Variants in CSMD1 observed in about 807,000 individuals in gnomAD.
CSMD1 encodes the protein CUB and Sushi multiple domains 1, also known as CUB and sushi domain-containing protein 1.
Under a neutral mutation model 417.5 loss-of-function variants are expected in CSMD1, and 213 were observed. The observed-to-expected ratio is 0.51, with a 90% CI of 0.46 to 0.57. The LOEUF is 0.57. Ranked by LOEUF, CSMD1 falls within the 20% of genes least tolerant of loss-of-function variation. The pLI, the probability that CSMD1 is intolerant of heterozygous loss-of-function variation, is 0.00. For synonymous variants in CSMD1, 2,862 were observed against 1,736.8 expected (o/e 1.65, Z -16.11); for missense variants, 6,923 against 4,529.7 (o/e 1.53, Z -15.17).
chr8:3,926,394 T>C (rs1197240802), intron 5 of CSMD1, among the ~76,000 whole-genome samples: 1 of 149,600 alleles, frequency 6.7e-6, no homozygotes, highest in Non-Finnish European at 1.5e-5. Flanking sequence ...AGTAAGATTT[T>C]TTCTGTCTTT....
chr8:4,488,271 T>G (rs923744194), intron 2 of CSMD1, among the ~76,000 whole-genome samples: 4 of 152,150 alleles, frequency 2.6e-5, no homozygotes, highest in African/African-American at 9.7e-5. Context: ...GGAGCTGAAA[T>G]GCCCTGAAAG....
intron 26 of CSMD1, among the ~76,000 whole-genome samples, chr8:3,247,131 C>T (rs968287124): frequency 9.2e-5 from 14 of 152,264 alleles, no homozygotes; most frequent in Non-Finnish European, 1.9e-4. Flanking sequence ...TGTGATGTCT[C>T]ATTTGCCCCT....
At chr8:4,110,860 C>G (rs1288057198) in intron 3 of CSMD1, among the ~76,000 whole-genome samples, 1 of 151,800 alleles carries the variant, frequency 6.6e-6, no homozygotes, top group Non-Finnish European at 1.5e-5. Context: ...GACTTTTTTC[C>G]TTGAAGAGTA....
At chr8:4,060,802 A>G (rs1376105136) in intron 3 of CSMD1, among the ~76,000 whole-genome samples, 1 of 152,202 alleles carries the variant, frequency 6.6e-6, no homozygotes, top group East Asian at 1.9e-4. Context: ...AAAAAAAGGT[A>G]GGAATGGGGC....
At chr8:3,809,993 C>A (rs1485416286) in intron 5 of CSMD1, among the ~76,000 whole-genome samples, 1 of 152,198 alleles carries the variant, frequency 6.6e-6, no homozygotes, top group African/African-American at 2.4e-5. Flanking sequence ...AAAATAGACA[C>A]CAGCTCTGAC....
intron 2 of CSMD1, among the ~76,000 whole-genome samples, chr8:4,596,335 C>A (rs544065590): frequency 6.6e-6 from 1 of 152,082 alleles, no homozygotes; most frequent in Non-Finnish European, 1.5e-5. Flanking sequence ...GGTTCAAAAA[C>A]GAAACCTCCT....
At chr8:4,860,673 A>G (rs1802078255) in intron 1 of CSMD1, among the ~76,000 whole-genome samples, 2 of 152,226 alleles carry the variant, frequency 1.3e-5, no homozygotes, top group Non-Finnish European at 1.5e-5. Flanking sequence ...CCTACTCACA[A>G]TGTTTGAAAT....
At chr8:3,307,339 A>T (rs1804952453) in intron 25 of CSMD1, among the ~76,000 whole-genome samples, 1 of 152,044 alleles carries the variant, frequency 6.6e-6, no homozygotes, top group Admixed American at 6.6e-5. Context: ...ACACCTAAGG[A>T]AGGTCATCCT....
At chr8:3,669,626 T>G (rs950388807) in intron 7 of CSMD1, among the ~76,000 whole-genome samples, 1 of 152,174 alleles carries the variant, frequency 6.6e-6, no homozygotes, top group African/African-American at 2.4e-5. Context: ...AGCTGGGTAT[T>G]CGCCCGCTGG....
chr8:4,766,584 A>C (rs1170398847), intron 1 of CSMD1, among the ~76,000 whole-genome samples: 1 of 152,222 alleles, frequency 6.6e-6, no homozygotes, highest in Non-Finnish European at 1.5e-5. Flanking sequence ...CCCAACATGC[A>C]GCAGGGCATT....
At chr8:3,999,622 A>T (rs1585107762) in intron 4 of CSMD1, among the ~76,000 whole-genome samples, 1 of 152,080 alleles carries the variant, frequency 6.6e-6, no homozygotes, top group Non-Finnish European at 1.5e-5. Context: ...TTGTTCCCGG[A>T]GTTTGGAGTA....
chr8:4,934,966 C>G (rs1049778238), intron 1 of CSMD1, among the ~76,000 whole-genome samples: 2 of 152,170 alleles, frequency 1.3e-5, no homozygotes, highest in Non-Finnish European at 2.9e-5. Context: ...CTGCCTATAT[C>G]TATCATCTAT....
chr8:4,199,793 G>T (rs758342129), intron 3 of CSMD1, among the ~76,000 whole-genome samples: 2 of 152,114 alleles, frequency 1.3e-5, no homozygotes, highest in African/African-American at 2.4e-5. Flanking sequence ...TGTTTAGATA[G>T]AAAATCGGAT....
chr8:3,783,496 G>C (rs1457735618), intron 5 of CSMD1, among the ~76,000 whole-genome samples: 2 of 152,194 alleles, frequency 1.3e-5, no homozygotes, highest in African/African-American at 2.4e-5. Flanking sequence ...GCAGTGCTGA[G>C]GAGGGGAAAG....
At chr8:4,371,487 A>C (rs1802394321) in intron 3 of CSMD1, among the ~76,000 whole-genome samples, 1 of 152,220 alleles carries the variant, frequency 6.6e-6, no homozygotes, top group South Asian at 2.1e-4. Context: ...AATAAACCTA[A>C]GGCTTCAATA....
intron 26 of CSMD1, among the ~76,000 whole-genome samples, chr8:3,260,067 G>A (rs187182386): frequency 2.6e-5 from 4 of 152,184 alleles, no homozygotes; most frequent in South Asian, 2.1e-4. Flanking sequence ...CTATAATTAT[G>A]AAATAATTTT....
At chr8:4,475,406 T>G (rs1030017403) in intron 2 of CSMD1, among the ~76,000 whole-genome samples, 1 of 152,138 alleles carries the variant, frequency 6.6e-6, no homozygotes, top group Admixed American at 6.5e-5. Context: ...TGAAAACTTG[T>G]TGAGTGTTTC....
chr8:4,450,223 G>A (rs73660852), intron 2 of CSMD1, among the ~76,000 whole-genome samples: 2 of 152,212 alleles, frequency 1.3e-5, no homozygotes, highest in African/African-American at 4.8e-5. Flanking sequence ...ATATGTGAGG[G>A]AGACTAAGAT....
chr8:3,717,151 A>G (rs1052879891), intron 6 of CSMD1, among the ~76,000 whole-genome samples: 12 of 152,136 alleles, frequency 7.9e-5, no homozygotes, highest in Non-Finnish European at 1.2e-4. Flanking sequence ...TTACACTTAA[A>G]ATTTTTATTT....
Sources: allele counts gnomAD v4.1 joint callset (sites outside exome capture counted in the v4.1 genomes callset), GRCh38; gene constraint gnomAD v4.1.1; transcripts MANE v1.5; gene names NCBI Gene and HGNC (gene_info 2026-07-23, HGNC 2026-07-21).